PTPRD: variants seen among roughly 807,000 people sequenced by gnomAD.
The protein encoded by PTPRD is protein tyrosine phosphatase receptor type D.
Under a neutral mutation model 214.5 loss-of-function variants are expected in PTPRD, and 34 were observed. That is an observed-to-expected ratio of 0.16 (90% CI 0.12 to 0.21). The LOEUF (loss-of-function observed/expected upper bound fraction) is 0.21. PTPRD is among the 10% of genes least tolerant of loss of function. The pLI, the probability that PTPRD is intolerant of heterozygous loss-of-function variation, is 1.00. For synonymous variants in PTPRD, 1,128 were observed against 845.7 expected, an observed-to-expected ratio of 1.33 and a Z score of -5.79; for missense variants, 2,545 against 2,398.7, an observed-to-expected ratio of 1.06 and a Z score of -1.27.
intron 8 of PTPRD, among the ~76,000 whole-genome samples, chr9:9,413,261 C>T (rs989704778): frequency 6.7e-6 from 1 of 148,674 alleles, no homozygotes; most frequent in Admixed American, 6.7e-5. Context: ...ACTACAGGTG[C>T]CCGCCACCGC....
chr9:8,358,592 G>A (rs2077549791), intron 39 of PTPRD, among the ~76,000 whole-genome samples: 1 of 152,014 alleles, frequency 6.6e-6, no homozygotes, highest in Non-Finnish European at 1.5e-5. Context: ...CTATGATACT[G>A]TCAGCAAAAT....
At chr9:10,502,602 G>C (rs188743612) in intron 2 of PTPRD, among the ~76,000 whole-genome samples, 11 of 152,070 alleles carry the variant, frequency 7.2e-5, no homozygotes, top group African/African-American at 2.6e-4. Flanking sequence ...AATAAATAGA[G>C]TACCTATCAA....
intron 3 of PTPRD, among the ~76,000 whole-genome samples, chr9:10,284,456 G>A (rs1187342286): frequency 6.6e-6 from 1 of 152,162 alleles, no homozygotes; most frequent in Non-Finnish European, 1.5e-5. Context: ...AATTATCAAA[G>A]TTGGAAAATG....
chr9:10,333,382 G>A (rs10959053), intron 3 of PTPRD, among the ~76,000 whole-genome samples: 16,801 of 151,716 alleles, frequency 0.11, 1,177 homozygotes, highest in Non-Finnish European at 0.15. Context: ...TAGCTGTACC[G>A]TTCATATTAT....
intron 8 of PTPRD, among the ~76,000 whole-genome samples, chr9:9,398,613 G>C (rs569162360): frequency 2.1e-4 from 32 of 152,008 alleles, no homozygotes; most frequent in Admixed American, 1.4e-3. Context: ...AAAAAATAAA[G>C]AAATTGAGGG....
intron 3 of PTPRD, among the ~76,000 whole-genome samples, chr9:10,150,962 C>G (rs924582901): frequency 5.3e-5 from 8 of 151,762 alleles, no homozygotes; most frequent in African/African-American, 1.9e-4. Flanking sequence ...CCTTGTCACT[C>G]AGCCATCAAT....
At chr9:9,957,686 A>G (rs1373064542) in intron 4 of PTPRD, among the ~76,000 whole-genome samples, 1 of 152,126 alleles carries the variant, frequency 6.6e-6, no homozygotes, top group Non-Finnish European at 1.5e-5. Flanking sequence ...ATACTGACAA[A>G]TGAATCCTAA....
chr9:9,761,371 T>C (rs1328937563), intron 6 of PTPRD, among the ~76,000 whole-genome samples: 1 of 152,064 alleles, frequency 6.6e-6, no homozygotes, highest in Non-Finnish European at 1.5e-5. Flanking sequence ...CCAGGAAGTA[T>C]TGTTTAGGAA....
At chr9:9,485,468 T>C (rs761539812) in intron 8 of PTPRD, among the ~76,000 whole-genome samples, 6 of 152,218 alleles carry the variant, frequency 3.9e-5, no homozygotes, top group Non-Finnish European at 7.3e-5. Flanking sequence ...AGTGCATAGC[T>C]CATTTTCAAT....
intron 7 of PTPRD, among the ~76,000 whole-genome samples, chr9:9,714,774 A>T (rs1485952906): frequency 6.6e-6 from 1 of 152,138 alleles, no homozygotes; most frequent in African/African-American, 2.4e-5. Flanking sequence ...GAAAGATCTA[A>T]AAGTTCAAGG....
intron 3 of PTPRD, among the ~76,000 whole-genome samples, chr9:10,300,489 C>T (rs757732084): frequency 1.3e-5 from 2 of 152,200 alleles, no homozygotes; most frequent in Admixed American, 6.5e-5. Flanking sequence ...CTCCACCACC[C>T]GGAGCCCAGC....
chr9:9,347,741 G>A (rs543538184), intron 9 of PTPRD, among the ~76,000 whole-genome samples: 5 of 152,142 alleles, frequency 3.3e-5, no homozygotes, highest in African/African-American at 1.2e-4. Flanking sequence ...AGGTTATAAT[G>A]GTATTCTTAT....
chr9:9,038,342 C>G (rs949598334), intron 10 of PTPRD, among the ~76,000 whole-genome samples: 6 of 152,088 alleles, frequency 3.9e-5, no homozygotes, highest in Non-Finnish European at 8.8e-5. Flanking sequence ...TCCTTCGTCT[C>G]AGATGTATTC....
At chr9:10,389,072 C>T (rs1296554498) in intron 2 of PTPRD, among the ~76,000 whole-genome samples, 1 of 151,736 alleles carries the variant, frequency 6.6e-6, no homozygotes. Flanking sequence ...AGAAATGGAA[C>T]GTGGCCAAAG....
chr9:10,578,301 G>A (rs2070299906), intron 2 of PTPRD, among the ~76,000 whole-genome samples: 2 of 152,072 alleles, frequency 1.3e-5, no homozygotes, highest in African/African-American at 2.4e-5. Context: ...TTGAGTTTAG[G>A]AAGATATTGT....
chr9:9,359,282 G>A (rs1466591849), intron 9 of PTPRD, among the ~76,000 whole-genome samples: 1 of 151,156 alleles, frequency 6.6e-6, no homozygotes, highest in Non-Finnish European at 1.5e-5. Context: ...TGTGGCTTTG[G>A]GCTATTTTTA....
chr9:9,085,651 CT>C (rs113774725), intron 10 of PTPRD, among the ~76,000 whole-genome samples: 1,668 of 145,938 alleles, frequency 0.011, 25 homozygotes, highest in African/African-American at 0.037. Flanking sequence ...GGTTAATGCT[CT>C]TTTTTTTTTT....
chr9:10,349,312 C>T (rs139796607), intron 2 of PTPRD, among the ~76,000 whole-genome samples: 2 of 152,010 alleles, frequency 1.3e-5, no homozygotes, highest in East Asian at 1.9e-4. Context: ...ATGAGACCTG[C>T]CTGGATCATT....
intron 3 of PTPRD, among the ~76,000 whole-genome samples, chr9:10,082,746 G>A (rs1312281379): frequency 6.7e-6 from 1 of 149,136 alleles, no homozygotes; most frequent in Non-Finnish European, 1.5e-5. Flanking sequence ...ATGAGAGAGA[G>A]AGTATTTTAT....
Sources: gnomAD v4.1 joint callset for allele counts (sites outside exome capture counted in the v4.1 genomes callset) on GRCh38, gnomAD v4.1.1 for gene constraint, MANE v1.5 for transcripts, NCBI Gene and HGNC (gene_info 2026-07-23, HGNC 2026-07-21) for gene names.